The following CSRNP2 variants were observed in gnomAD, a reference collection of about 807,000 sequenced individuals.
CSRNP2 encodes the protein cysteine/serine-rich nuclear protein 2.
CSRNP2 carries 11 observed loss-of-function variants against 36.6 expected under a neutral mutation model. The observed-to-expected ratio is 0.30, with a 90% CI of 0.19 to 0.50. The LOEUF (loss-of-function observed/expected upper bound fraction) is 0.50, where lower values mean the gene tolerates loss of function less well. Ranked by LOEUF, CSRNP2 falls within the 20% of genes least tolerant of loss-of-function variation. CSRNP2 has a pLI of 0.98. For synonymous variants in CSRNP2, 248 were observed against 275.3 expected, an observed-to-expected ratio of 0.90 and a Z score of 0.98; for missense variants, 483 against 691.4, an observed-to-expected ratio of 0.70 and a Z score of 3.38.
chr12:51,076,897 T>C (rs1450446756), intron 1 of CSRNP2: 1 of 208,368 alleles, frequency 4.8e-6, no homozygotes, highest in African/African-American at 2.2e-5. Context: ...GGAAAGGCCT[T>C]TGCTTCCAAT....
intron 1 of CSRNP2, among the ~76,000 whole-genome samples, chr12:51,079,674 T>C (rs1215212032): frequency 1.5e-5 from 2 of 137,510 alleles, no homozygotes; most frequent in African/African-American, 5.5e-5. Flanking sequence ...CAGGAGGCTG[T>C]GGCAGGAGAA....
In CSRNP2 at chr12:51,061,291, A is replaced by C. The variant is rs1948821008; in HGVS notation, c.*2455T>G. On this transcript the variant is annotated 3_prime_UTR_variant, in exon 5 of 5. Transcript: ENST00000228515. ...AATGTAAAGAACCTAAAGGGGAAAA[A>C]ATTATTTTCAGAGAACCAGACAAGC... 2.0e-5 allele frequency: 3 copies of C among 152,630 alleles called. No homozygotes were observed. The allele number at this position is 152,630 out of a possible 1,614,324, so 9.5% of individuals were successfully genotyped here.
chr12:51,080,944 C>T lies in CSRNP2; in HGVS notation c.-87+2395G>A, dbSNP rs552132508. 7.0e-4 allele frequency among the ~76,000 whole-genome samples: 106 copies of T among 152,232 alleles called. 1 individual carries two copies. The South Asian group carries it at 0.021, about 30-fold the overall frequency. On this transcript the variant is annotated intron_variant, in intron 1 of 4. Transcript: ENST00000228515. ...CTGAGGCAGGAGAATTGCTTGAGGC[C>T]AGGAGTGCAAAACCAACTTGGCCAA...
intron 3 of CSRNP2, among the ~76,000 whole-genome samples, chr12:51,072,127 G>A (rs1028532361): frequency 1.3e-5 from 2 of 152,126 alleles, no homozygotes; most frequent in African/African-American, 4.8e-5. Context: ...GTTTTAATAT[G>A]GGTCAGCATG....
At chr12:51,069,285 TTC>T (rs1255311957) in intron 3 of CSRNP2, among the ~76,000 whole-genome samples, 1 of 137,702 alleles carries the variant, frequency 7.3e-6, no homozygotes, top group East Asian at 3.0e-4. Context: ...TCCTTCTCCT[TTC>T]TTTTTTTTTT....
chr12:51,073,244 C>T (rs1939260658), intron 3 of CSRNP2, among the ~76,000 whole-genome samples: 1 of 151,562 alleles, frequency 6.6e-6, no homozygotes, highest in Non-Finnish European at 1.5e-5. Flanking sequence ...TACATACATA[C>T]ATACATACAT....
At chr12:51,074,927 T>C (rs957177796) in intron 2 of CSRNP2, among the ~76,000 whole-genome samples, 2 of 151,896 alleles carry the variant, frequency 1.3e-5, no homozygotes, top group African/African-American at 4.8e-5. Context: ...TAGCTGGGCA[T>C]GGTGGCACAT....
At chr12:51,074,379 A>C (rs992980624) in intron 2 of CSRNP2, among the ~76,000 whole-genome samples, 1 of 152,088 alleles carries the variant, frequency 6.6e-6, no homozygotes. Context: ...GGCCTCCCAA[A>C]GTGCTGGGAT....
chr12:51,064,923 G>A (rs1937974733), intron 4 of CSRNP2, among the ~76,000 whole-genome samples: 1 of 152,154 alleles, frequency 6.6e-6, no homozygotes, highest in Non-Finnish European at 1.5e-5. Context: ...TCTCTCTAGG[G>A]CTTTGTTTCC....
chr12:51,075,018 T>C (rs577082553), intron 2 of CSRNP2, among the ~76,000 whole-genome samples: 2 of 152,134 alleles, frequency 1.3e-5, no homozygotes, highest in East Asian at 1.9e-4. Context: ...TGAGCCGAGA[T>C]TGTGCCACTG....
At chr12:51,071,977 C>T (rs1333793426) in intron 3 of CSRNP2, among the ~76,000 whole-genome samples, 1 of 152,102 alleles carries the variant, frequency 6.6e-6, no homozygotes, top group Non-Finnish European at 1.5e-5. Flanking sequence ...TAGGAATAGT[C>T]TGAGGGAAGT....
At chr12:51,078,557 T>C (rs908379301) in intron 1 of CSRNP2, among the ~76,000 whole-genome samples, 2 of 152,150 alleles carry the variant, frequency 1.3e-5, no homozygotes, top group African/African-American at 4.8e-5. Flanking sequence ...GTTAAGATTT[T>C]AGCTGGGTTT....
chr12:51,074,862 C>T (rs1360688769), intron 2 of CSRNP2, among the ~76,000 whole-genome samples: 2 of 151,904 alleles, frequency 1.3e-5, no homozygotes, highest in African/African-American at 2.4e-5. Context: ...GTCAAGAGAT[C>T]AAGACCATCC....
intron 1 of CSRNP2, among the ~76,000 whole-genome samples, chr12:51,077,741 C>T (rs1939453022): frequency 6.6e-6 from 1 of 152,198 alleles, no homozygotes; most frequent in Admixed American, 6.5e-5. Context: ...TGTCACCATC[C>T]TCTGTGCAAG....
At chr12:51,081,849 C>A (rs1112390) in intron 1 of CSRNP2, among the ~76,000 whole-genome samples, 109,934 of 150,730 alleles carry the variant, frequency 0.73, 40,763 homozygotes, top group Non-Finnish European at 0.81. Flanking sequence ...ACAACAACAA[C>A]AAAAAAAAAC....
chr12:51,061,605 TGA>T lies in CSRNP2; in HGVS notation c.*2139_*2140del, dbSNP rs376346945. 8 of 152,762 alleles carry T rather than the reference TGA, an allele frequency of 5.2e-5. No homozygotes were observed. The highest frequency in any genetic ancestry group is 1.9e-4 in the African/African-American group (8 of 41,584). The allele number at this position is 152,762 out of a possible 1,614,324, so 9.5% of individuals were successfully genotyped here. ...AGCACTTAAAAGTTTGGGATCAGTGTGAGTCACAACTGTAGCGTTAATGAAGG... is the reference window on the plus strand; with the variant it reads ...AGCACTTAAAAGTTTGGGATCAGTGTGTCACAACTGTAGCGTTAATGAAGG... On this transcript the variant is annotated 3_prime_UTR_variant, in exon 5 of 5. Transcript: ENST00000228515.
chr12:51,065,384 C>T (rs921459079), intron 4 of CSRNP2, among the ~76,000 whole-genome samples: 10 of 152,124 alleles, frequency 6.6e-5, no homozygotes, highest in African/African-American at 2.4e-4. Flanking sequence ...AGGAAAAACA[C>T]ATAAACCAAA....
At chr12:51,065,533 T>C (rs181901490) in intron 4 of CSRNP2, among the ~76,000 whole-genome samples, 4 of 152,314 alleles carry the variant, frequency 2.6e-5, no homozygotes, top group Admixed American at 6.5e-5. Flanking sequence ...TCTTGCTCTG[T>C]CGTCCAGGCT....
chr12:51,080,018 A>C (rs1035928802), intron 1 of CSRNP2, among the ~76,000 whole-genome samples: 25 of 131,954 alleles, frequency 1.9e-4, no homozygotes, highest in African/African-American at 6.8e-4. Flanking sequence ...AGTTGCAGTG[A>C]GCTGGGATCA....
Sources: allele counts gnomAD v4.1 joint callset (sites outside exome capture counted in the v4.1 genomes callset), GRCh38; gene constraint gnomAD v4.1.1; transcripts MANE v1.5; gene names NCBI Gene and HGNC (gene_info 2026-07-23, HGNC 2026-07-21).